The following SDCCAG8 variants were observed in gnomAD, a reference collection of about 807,000 sequenced individuals.
The protein encoded by SDCCAG8 is SHH signaling and ciliogenesis regulator SDCCAG8.
Under a neutral mutation model 101.8 loss-of-function variants are expected in SDCCAG8, and 74 were observed. The ratio of observed to expected loss-of-function variants is 0.73; its 90% CI spans 0.60 to 0.88. The LOEUF is 0.88. SDCCAG8 is among the 40% of genes least tolerant of loss of function. The pLI, the probability that SDCCAG8 is intolerant of heterozygous loss-of-function variation, is 0.00. For synonymous variants in SDCCAG8, 281 were observed against 292.9 expected, an observed-to-expected ratio of 0.96 and a Z score of 0.41; for missense variants, 787 against 822.6, an observed-to-expected ratio of 0.96 and a Z score of 0.53.
chr1:243,454,722 C>T (rs1030598212), intron 16 of SDCCAG8, among the ~76,000 whole-genome samples: 4 of 152,140 alleles, frequency 2.6e-5, no homozygotes, highest in East Asian at 1.9e-4. Flanking sequence ...AAAGCCTGTG[C>T]TCCTGTACTA....
At chr1:243,484,185 G>A (rs1664324569) in intron 16 of SDCCAG8, among the ~76,000 whole-genome samples, 1 of 152,264 alleles carries the variant, frequency 6.6e-6, no homozygotes, top group Non-Finnish European at 1.5e-5. Flanking sequence ...TTGCCTGCAG[G>A]ACGAAGTCCA....
chr1:243,324,784 T>C (rs2074027847), intron 9 of SDCCAG8, among the ~76,000 whole-genome samples: 1 of 152,206 alleles, frequency 6.6e-6, no homozygotes, highest in Non-Finnish European at 1.5e-5. Context: ...AGCTCCCCTC[T>C]TGCAGTAGAA....
At chr1:243,435,002 C>G (rs2082042433) in intron 16 of SDCCAG8, among the ~76,000 whole-genome samples, 1 of 152,094 alleles carries the variant, frequency 6.6e-6, no homozygotes, top group African/African-American at 2.4e-5. Flanking sequence ...GCCCACTACC[C>G]AGGAAAAAGA....
At chr1:243,382,230 A>G (rs2078003102) in intron 13 of SDCCAG8, among the ~76,000 whole-genome samples, 1 of 152,160 alleles carries the variant, frequency 6.6e-6, no homozygotes, top group Non-Finnish European at 1.5e-5. Context: ...GAGCGTCAAC[A>G]TGATTGACTT....
At chr1:243,437,773 C>T (rs1024938692) in intron 16 of SDCCAG8, among the ~76,000 whole-genome samples, 1 of 152,118 alleles carries the variant, frequency 6.6e-6, no homozygotes, top group African/African-American at 2.4e-5. Flanking sequence ...CTCCTGACCT[C>T]GTGATCCGCC....
intron 12 of SDCCAG8, among the ~76,000 whole-genome samples, chr1:243,376,729 T>C (rs1322413062): frequency 6.6e-6 from 1 of 152,050 alleles, no homozygotes; most frequent in East Asian, 1.9e-4. Context: ...TATTTCTGTT[T>C]TAAGTCCCTC....
chr1:243,385,744 C>A (rs936963235), intron 13 of SDCCAG8, among the ~76,000 whole-genome samples: 1 of 151,674 alleles, frequency 6.6e-6, no homozygotes, highest in Non-Finnish European at 1.5e-5. Flanking sequence ...CCGAGGCGGG[C>A]GGATCACCTG....
At position 243,419,681 on chromosome 1, in the gene SDCCAG8, T is replaced by C. The variant is rs1281454725; in HGVS notation, c.1853+1605T>C. Among the ~76,000 whole-genome samples, 3 of 152,216 alleles carry C rather than the reference T, an allele frequency of 2.0e-5. No homozygotes were observed. In the East Asian group the frequency reaches 5.8e-4, roughly 29 times the overall value. ...GAGTGGGAGAGCTACGGTTCTAACA[T>C]AGGTATTTCTGGTTCCAAAGTATAC... On this transcript the variant is annotated intron_variant, in intron 15 of 17. Transcript: ENST00000366541.
intron 13 of SDCCAG8, among the ~76,000 whole-genome samples, chr1:243,390,634 G>T (rs562067010): frequency 6.6e-6 from 1 of 152,284 alleles, no homozygotes; most frequent in East Asian, 1.9e-4. Flanking sequence ...CTCCACTGGG[G>T]ATGCACTCAT....
chr1:243,336,913 A>G (rs938191807), intron 10 of SDCCAG8, among the ~76,000 whole-genome samples: 2 of 152,072 alleles, frequency 1.3e-5, no homozygotes, highest in African/African-American at 4.8e-5. Context: ...TGTCTGATAC[A>G]TAATTTGTGG....
At chr1:243,327,268 T>C (rs1202813170) in intron 9 of SDCCAG8, among the ~76,000 whole-genome samples, 2 of 149,506 alleles carry the variant, frequency 1.3e-5, no homozygotes, top group African/African-American at 4.9e-5. Context: ...TATAAAATTA[T>C]AATTTATAAT....
intron 6 of SDCCAG8, among the ~76,000 whole-genome samples, chr1:243,300,669 A>G (rs2071409567): frequency 6.6e-6 from 1 of 152,210 alleles, no homozygotes; most frequent in Admixed American, 6.5e-5. Flanking sequence ...TGGTTTGGAC[A>G]ACCTCTGTGC....
chr1:243,438,034 C>G (rs2082263111), intron 16 of SDCCAG8, among the ~76,000 whole-genome samples: 1 of 152,164 alleles, frequency 6.6e-6, no homozygotes. Flanking sequence ...TGCCCCTCCC[C>G]CGGGAGCTTG....
Position 243,330,673 on chromosome 1 carries a change from G to A in SDCCAG8, c.1202G>A (p.Arg401Lys). 6.2e-7 allele frequency: 1 copy of A among 1,614,056 alleles called. No individual in the cohort carries two copies. Among genetic ancestry groups the A allele is most frequent in the South Asian group, 1.1e-5 (1 of 91,072 alleles). The change falls in exon 10 of 18, where the codon AGG becomes AAG. Residue 401 changes from arginine (R) to lysine (K), a missense_variant. Arg to Lys is a conservative substitution (Grantham distance 26). Coordinates refer to ENST00000366541, the MANE Select transcript of SDCCAG8 (RefSeq NM_006642.5). ...ATGAAAAAGGAAATAACGAAAGAAA[G>A]GGAGTACATGGGATCAAAGGTACTT... is the stretch of plus-strand genomic sequence containing the variant. Reference protein sequence around the residue: ...DMMKKEITKEREYMGSKMLIL... With the variant: ...DMMKKEITKEKEYMGSKMLIL...
intron 13 of SDCCAG8, among the ~76,000 whole-genome samples, chr1:243,380,397 AC>A (rs1331646656): frequency 6.6e-6 from 1 of 152,206 alleles, no homozygotes; most frequent in African/African-American, 2.4e-5. Context: ...GCACTGCTAA[AC>A]CTCAGAAATA....
chr1:243,411,735 G>C (rs1020691041), intron 13 of SDCCAG8, among the ~76,000 whole-genome samples: 1 of 152,082 alleles, frequency 6.6e-6, no homozygotes, highest in South Asian at 2.1e-4. Context: ...CTGCTTTTGA[G>C]GTTCAGCCAA....
intron 1 of SDCCAG8, among the ~76,000 whole-genome samples, chr1:243,260,194 A>G (rs1300982302): frequency 6.6e-6 from 1 of 152,192 alleles, no homozygotes; most frequent in Non-Finnish European, 1.5e-5. Flanking sequence ...GATCTGTTGT[A>G]TTATTCCTAC....
At chr1:243,339,398 A>G (rs1426047490) in intron 10 of SDCCAG8, among the ~76,000 whole-genome samples, 1 of 152,210 alleles carries the variant, frequency 6.6e-6, no homozygotes, top group Non-Finnish European at 1.5e-5. Flanking sequence ...CACATTCATA[A>G]TATATATGCT....
At chr1:243,303,464 C>G (rs915905482) in intron 6 of SDCCAG8, among the ~76,000 whole-genome samples, 1 of 152,170 alleles carries the variant, frequency 6.6e-6, no homozygotes, top group African/African-American at 2.4e-5. Context: ...CTAACTCCTG[C>G]ATCTCTTCTG....
Sources: allele counts gnomAD v4.1 joint callset (sites outside exome capture counted in the v4.1 genomes callset), GRCh38; gene constraint gnomAD v4.1.1; transcripts MANE v1.5; gene names NCBI Gene and HGNC (gene_info 2026-07-23, HGNC 2026-07-21).